DGKI: variants seen among roughly 807,000 people sequenced by gnomAD.
DGKI encodes the protein diacylglycerol kinase iota, also known as DAG kinase iota.
In DGKI, 55 loss-of-function variants were observed where a neutral mutation model predicts 147.5. That is an observed-to-expected ratio of 0.37 (90% CI 0.30 to 0.47). The LOEUF (loss-of-function observed/expected upper bound fraction) is 0.47. DGKI is among the 20% of genes least tolerant of loss of function. The pLI is 1.00. For missense variants in DGKI, 1,007 were observed against 1,323.8 expected (o/e 0.76, Z 3.71); for synonymous variants, 469 against 477.1 (o/e 0.98, Z 0.22).
At chr7:137,773,808 C>A (rs2116859868) in intron 1 of DGKI, among the ~76,000 whole-genome samples, 1 of 152,264 alleles carries the variant, frequency 6.6e-6, no homozygotes, top group South Asian at 2.1e-4. Flanking sequence ...ACAATACTAA[C>A]CTGTAGACAT....
At chr7:137,723,007 T>TC (rs1047783753) in intron 1 of DGKI, among the ~76,000 whole-genome samples, 4 of 152,168 alleles carry the variant, frequency 2.6e-5, no homozygotes, top group Non-Finnish European at 5.9e-5. Context: ...TGCCTTATTT[T>TC]CCCCATCTGT....
In DGKI at chr7:137,799,252, G is replaced by A. The variant is rs1797124243; in HGVS notation, c.401+47210C>T. 5.3e-5 allele frequency among the ~76,000 whole-genome samples: 8 copies of A among 152,158 alleles called. 1 individual carries two copies. In the South Asian group the frequency reaches 1.7e-3, roughly 32 times the overall value. On this transcript the variant is annotated intron_variant, in intron 1 of 32. Coordinates refer to ENST00000614521, the MANE Select transcript of DGKI (RefSeq NM_001321708.2). ...TTATTATGTTAAATGAAAGAAGACA[G>A]TCACAAAAACTTACATTTGCATAAT...
chr7:137,737,595 C>T (rs530204398), intron 1 of DGKI, among the ~76,000 whole-genome samples: 120 of 152,038 alleles, frequency 7.9e-4, no homozygotes, highest in African/African-American at 2.9e-3. Flanking sequence ...GAACCTCTTA[C>T]TTGAGCCCAA....
At chr7:137,638,470 ATATGTGTG>A (rs1821427949) in intron 6 of DGKI, among the ~76,000 whole-genome samples, 3 of 123,160 alleles carry the variant, frequency 2.4e-5, no homozygotes, top group African/African-American at 1.1e-4. Flanking sequence ...ATGTGTGTAT[ATATGTGTG>A]TATATATATA....
At position 137,846,181 on chromosome 7, in the gene DGKI, A is replaced by T. The variant is rs1217028027; in HGVS notation, c.401+281T>A. 1.1e-3 allele frequency among the ~76,000 whole-genome samples: 158 copies of T among 147,182 alleles called. No homozygotes were observed. Among genetic ancestry groups the T allele is most frequent in the African/African-American group, 3.8e-3 (143 of 37,608 alleles). On this transcript the variant is annotated intron_variant, in intron 1 of 32. Coordinates refer to ENST00000614521, the MANE Select transcript of DGKI (RefSeq NM_001321708.2). The surrounding 1 kb of genome is among the most constrained non-coding windows in gnomAD (Gnocchi z 4.0). ...CTCTCTCACACACACACACACACAC[A>T]CACACACACACACACACACACAGAC...
intron 1 of DGKI, among the ~76,000 whole-genome samples, chr7:137,711,525 A>T (rs1407182099): frequency 6.6e-6 from 1 of 152,116 alleles, no homozygotes; most frequent in Non-Finnish European, 1.5e-5. Flanking sequence ...TTTCATTTAC[A>T]TAACATTTTA....
At chr7:137,725,247 G>A (rs1387780742) in intron 1 of DGKI, among the ~76,000 whole-genome samples, 1 of 152,058 alleles carries the variant, frequency 6.6e-6, no homozygotes, top group African/African-American at 2.4e-5. Context: ...TCAACCTACG[G>A]GAGAAGTGAT....
chr7:137,799,417 A>G (rs1353403239), intron 1 of DGKI, among the ~76,000 whole-genome samples: 2 of 152,218 alleles, frequency 1.3e-5, no homozygotes, highest in Non-Finnish European at 2.9e-5. Flanking sequence ...GATTGCCAAG[A>G]AAGTAGTGAT....
chr7:137,509,057 G>A (rs1407415413), intron 21 of DGKI, among the ~76,000 whole-genome samples: 2 of 152,084 alleles, frequency 1.3e-5, no homozygotes, highest in Non-Finnish European at 2.9e-5. Flanking sequence ...AACACAAGTG[G>A]AATCTTTCCT....
chr7:137,436,444 G>A (rs907718735), intron 28 of DGKI, among the ~76,000 whole-genome samples: 1 of 151,990 alleles, frequency 6.6e-6, no homozygotes, highest in Non-Finnish European at 1.5e-5. Context: ...TTTCAGCAAT[G>A]CTATTGACAG....
At chr7:137,635,568 T>C (rs549797305) in intron 6 of DGKI, among the ~76,000 whole-genome samples, 6 of 152,314 alleles carry the variant, frequency 3.9e-5, no homozygotes, top group Admixed American at 1.3e-4. Flanking sequence ...AATTATTTTA[T>C]GGCATAGAGG....
intron 8 of DGKI, among the ~76,000 whole-genome samples, chr7:137,615,793 G>A (rs1025268104): frequency 1.3e-5 from 2 of 151,870 alleles, no homozygotes; most frequent in Non-Finnish European, 2.9e-5. Flanking sequence ...TTTCTTCCTC[G>A]TGGTTTTTTT....
chr7:137,385,649 T>C lies in DGKI; in HGVS notation c.*5571A>G, dbSNP rs1325403417. On this transcript the variant is annotated 3_prime_UTR_variant, in exon 33 of 33. Coordinates refer to ENST00000614521, the MANE Select transcript of DGKI (RefSeq NM_001321708.2). ...AGCTAGAATAAATCAGTCTTAGCTT[T>C]CATTTTAATAGTGTTTCTAAGTCTT... 1 of 152,182 alleles carries C rather than the reference T, an allele frequency of 6.6e-6. No homozygotes were observed. Among genetic ancestry groups the C allele is most frequent in the African/African-American group, 2.4e-5 (1 of 41,460 alleles). 9.4% of individuals were successfully genotyped at this position (152,182 alleles called of 1,614,324 possible). A position where few individuals can be genotyped will look rare whatever the true frequency, so the allele number is the denominator to read the frequency against.
At chr7:137,507,517 G>C (rs1816409519) in intron 21 of DGKI, among the ~76,000 whole-genome samples, 1 of 152,058 alleles carries the variant, frequency 6.6e-6, no homozygotes, top group Admixed American at 6.5e-5. Context: ...AATGCTTATG[G>C]CATTGATAAT....
chr7:137,727,133 A>T (rs1170414644), intron 1 of DGKI, among the ~76,000 whole-genome samples: 1 of 152,076 alleles, frequency 6.6e-6, no homozygotes, highest in African/African-American at 2.4e-5. Flanking sequence ...GGAAATAAGT[A>T]TTTTTTTCCT....
At chr7:137,498,537 G>C (rs1816053468) in intron 21 of DGKI, among the ~76,000 whole-genome samples, 2 of 152,046 alleles carry the variant, frequency 1.3e-5, no homozygotes, top group South Asian at 4.1e-4. Flanking sequence ...CAAGCTTATA[G>C]AAAGGAAAAA....
At chr7:137,416,559 G>C (rs1026041445) in intron 28 of DGKI, among the ~76,000 whole-genome samples, 1 of 152,168 alleles carries the variant, frequency 6.6e-6, no homozygotes, top group Non-Finnish European at 1.5e-5. Flanking sequence ...CTGACACCAA[G>C]ATAAGGCACT....
chr7:137,492,551 A>G (rs1006751973), intron 21 of DGKI, among the ~76,000 whole-genome samples: 1 of 152,144 alleles, frequency 6.6e-6, no homozygotes, highest in African/African-American at 2.4e-5. Flanking sequence ...ATGGACTTAT[A>G]GAATCCTGGC....
At chr7:137,463,383 A>G in intron 27 of DGKI, 106 bp downstream of exon 27, 3 of 1,478,336 alleles carry the variant, frequency 2.0e-6, no homozygotes, top group Non-Finnish European at 2.7e-6. Flanking sequence ...AGACAGCCTG[A>G]GCGCCATTGA....
Sources: allele counts gnomAD v4.1 joint callset (sites outside exome capture counted in the v4.1 genomes callset), GRCh38; gene constraint gnomAD v4.1.1; non-coding constraint Gnocchi (gnomAD v3.1); transcripts MANE v1.5; gene names NCBI Gene and HGNC (gene_info 2026-07-23, HGNC 2026-07-21).